The following MICALL1 variants were observed in gnomAD, a reference collection of about 807,000 sequenced individuals.
MICALL1 encodes MICAL-like protein 1.
In MICALL1, 61 loss-of-function variants were observed where a neutral mutation model predicts 83.7. The observed-to-expected ratio is 0.73, with a 90% CI of 0.59 to 0.90. The LOEUF (loss-of-function observed/expected upper bound fraction) is 0.90, where lower values mean the gene tolerates loss of function less well. MICALL1 is among the 40% of genes least tolerant of loss of function. The pLI is 0.00. For missense variants in MICALL1, 1,066 were observed against 1,152.0 expected (o/e 0.93, Z 1.08); for synonymous variants, 481 against 473.6 (o/e 1.02, Z -0.20).
Position 37,911,927 on chromosome 22 carries a change from A to G in MICALL1, c.147-25A>G, listed in dbSNP as rs751880032. The G allele has an allele frequency of 3.7e-6, 6 of 1,613,548 alleles. No homozygotes were observed. In the Admixed American group the frequency reaches 5.0e-5, roughly 13 times the overall value. ...TCCCAGTCACCTCCCCTCTTGACCAACCCTCCTCCCTTTGCCTCTTGCAGA... is the reference window on the plus strand; with the variant it reads ...TCCCAGTCACCTCCCCTCTTGACCAGCCCTCCTCCCTTTGCCTCTTGCAGA... On this transcript the variant is annotated intron_variant, in intron 1 of 15. Transcript: ENST00000215957.
chr22:37,928,148 C>CGCCT (rs1180055875), intron 9 of MICALL1, among the ~76,000 whole-genome samples: 4 of 151,874 alleles, frequency 2.6e-5, no homozygotes, highest in Non-Finnish European at 5.9e-5. Flanking sequence ...CCTCGTGATC[C>CGCCT]GCCTGCCTCA....
chr22:37,925,545 G>C (rs1929364945), intron 7 of MICALL1, 116 bp from the exon 8 acceptor site: 1 of 680,784 alleles, frequency 1.5e-6, no homozygotes. Flanking sequence ...GGTGGGAGAA[G>C]GGAAACAGCC....
At chr22:37,910,736 G>A (rs550980336) in intron 1 of MICALL1, among the ~76,000 whole-genome samples, 1 of 152,340 alleles carries the variant, frequency 6.6e-6, no homozygotes, top group South Asian at 2.1e-4. Context: ...AAAAGTGTTG[G>A]GGGCAGGAGG....
At position 37,924,129 on chromosome 22, in the gene MICALL1, A is replaced by G. The variant is rs1601820859; in HGVS notation, c.1025-531A>G. Among the ~76,000 whole-genome samples, 1 of 152,106 alleles carries G rather than the reference A, an allele frequency of 6.6e-6. No homozygotes were observed. The highest frequency in any genetic ancestry group is 2.4e-5 in the African/African-American group (1 of 41,412). The stretch of plus-strand genomic sequence containing the variant: ...GTCACCCTGCGACTTGCACCAGAAC[A>G]TTCTATTTGTTCAGCTCTTGTGGAG... On this transcript the variant is annotated intron_variant, in intron 6 of 15. Coordinates refer to ENST00000215957, the MANE Select transcript of MICALL1 (RefSeq NM_033386.4). This position sits in a 1 kb window ranked among gnomAD's most constrained non-coding sequence, Gnocchi z 5.2.
In MICALL1 at chr22:37,933,116, A is replaced by AGT; in HGVS notation, c.2308+6_2308+7dup. The AGT allele has an allele frequency of 6.2e-7, 1 of 1,613,466 alleles. No individual in the cohort carries two copies. Among genetic ancestry groups the AGT allele is most frequent in the Non-Finnish European group, 8.5e-7 (1 of 1,179,882 alleles). On this transcript the variant is annotated splice_donor_region_variant and intron_variant, in intron 13 of 15. Coordinates refer to ENST00000215957, the MANE Select transcript of MICALL1 (RefSeq NM_033386.4). ...CGGTGCCTCCTCAATAAGCCAGGTG[A>AGT]GTGCAGCCACTGGCACTCCCCTGGC...
chr22:37,934,278 G>A (rs559758584), intron 13 of MICALL1, among the ~76,000 whole-genome samples: 199 of 152,322 alleles, frequency 1.3e-3, no homozygotes, highest in African/African-American at 4.6e-3. Flanking sequence ...GCCATTGCTT[G>A]GGGGCATCAG....
intron 5 of MICALL1, among the ~76,000 whole-genome samples, chr22:37,920,920 C>T (rs952619770): frequency 4.0e-5 from 6 of 150,602 alleles, no homozygotes; most frequent in Non-Finnish European, 7.4e-5. Flanking sequence ...ACTGAGACTC[C>T]GTCTCAAAAA....
Position 37,906,730 on chromosome 22 carries a change from A to C in MICALL1, c.146+162A>C. Among the ~76,000 whole-genome samples the C allele has an allele frequency of 6.7e-6, 1 of 149,582 alleles. No homozygotes were observed. Among genetic ancestry groups the C allele is most frequent in the African/African-American group, 2.5e-5 (1 of 40,406 alleles). ...CCCGGACGCCGGGCGGGTCCCTGAG[A>C]CCCCGGCCCAGGGCGCCCCTCCCCC... On this transcript the variant is annotated intron_variant, in intron 1 of 15. Coordinates refer to ENST00000215957, the MANE Select transcript of MICALL1 (RefSeq NM_033386.4). This position sits in a 1 kb window ranked among gnomAD's most constrained non-coding sequence, Gnocchi z 4.4.
At chr22:37,934,807 A>G (rs865955662) in intron 13 of MICALL1, among the ~76,000 whole-genome samples, 13 of 151,368 alleles carry the variant, frequency 8.6e-5, no homozygotes, top group Non-Finnish European at 1.2e-4. Flanking sequence ...CATGTTAGCC[A>G]GGATGGTCTC....
In MICALL1 at chr22:37,932,611, A is replaced by G. The variant is rs200404671; in HGVS notation, c.2075A>G (p.Glu692Gly). Residue 692 changes from glutamate to glycine, a missense_variant, in exon 11 of 16, where the codon GAG (glutamate) becomes GGG (glycine). Glu to Gly is a moderately conservative substitution (Grantham distance 98). Coordinates refer to ENST00000215957, the MANE Select transcript of MICALL1 (RefSeq NM_033386.4). This position sits in a 1 kb window ranked among gnomAD's most constrained non-coding sequence, Gnocchi z 4.4. Reference sequence around the variant, plus strand: ...ATCCATGGAGAGATGGATACCATTGAGCGCCGGCTGGATGCCCTGGAGCAC... The same window carrying G: ...ATCCATGGAGAGATGGATACCATTGGGCGCCGGCTGGATGCCCTGGAGCAC... ...EDIHGEMDTI[E>G]RRLDALEHRG... 5.6e-6 allele frequency: 9 copies of G among 1,614,132 alleles called. No homozygotes were observed. The Admixed American group carries it at 1.0e-4, about 18-fold the overall frequency.
At chr22:37,914,036 C>T (rs977620858) in intron 3 of MICALL1, among the ~76,000 whole-genome samples, 10 of 151,608 alleles carry the variant, frequency 6.6e-5, no homozygotes, top group Non-Finnish European at 1.0e-4. Context: ...CCAACATGTC[C>T]GGCTAATTTT....
intron 3 of MICALL1, among the ~76,000 whole-genome samples, chr22:37,917,017 G>A (rs1005982047): frequency 4.6e-5 from 7 of 152,070 alleles, no homozygotes; most frequent in African/African-American, 1.7e-4. Flanking sequence ...GATTATAGGC[G>A]CGCACCACCA....
chr22:37,919,363 G>C (rs902327304), intron 5 of MICALL1, among the ~76,000 whole-genome samples, 185 bp downstream of exon 5: 17 of 152,340 alleles, frequency 1.1e-4, no homozygotes, highest in African/African-American at 4.1e-4. Context: ...CACATGATTC[G>C]AGACAGAAAC....
rs530285254 is a variant in MICALL1, at chr22:37,932,153, G to A, written c.2016+220G>A. ...TTCACCACCAAAAGCAGTGGGTGGTGCATTTAATTTGTTACTAACAAGTTC... is the reference window on the plus strand; with the variant it reads ...TTCACCACCAAAAGCAGTGGGTGGTACATTTAATTTGTTACTAACAAGTTC... On this transcript the variant is annotated intron_variant, in intron 10 of 15. Transcript: ENST00000215957. The surrounding 1 kb of genome is among the most constrained non-coding windows in gnomAD (Gnocchi z 4.4). Among the ~76,000 whole-genome samples, 5 of 152,366 alleles carry A rather than the reference G, an allele frequency of 3.3e-5. No homozygotes were observed. In the South Asian group the frequency reaches 1.0e-3, roughly 32 times the overall value.
chr22:37,930,091 C>T lies in MICALL1; in HGVS notation c.1882-1708C>T, dbSNP rs1929707558. ...GGTGGTGGAGGGCACGGGGGTGGGTCACCTTCGGATTCTCGTGTTTCGTGT... is the reference window on the plus strand; with the variant it reads ...GGTGGTGGAGGGCACGGGGGTGGGTTACCTTCGGATTCTCGTGTTTCGTGT... On this transcript the variant is annotated intron_variant, in intron 9 of 15. Coordinates refer to ENST00000215957, the MANE Select transcript of MICALL1 (RefSeq NM_033386.4). The surrounding 1 kb of genome is among the most constrained non-coding windows in gnomAD (Gnocchi z 4.8). Among the ~76,000 whole-genome samples the T allele has an allele frequency of 1.3e-5, 2 of 152,236 alleles. No individual in the cohort carries two copies. Among genetic ancestry groups the T allele is most frequent in the South Asian group, 4.1e-4 (2 of 4,838 alleles).
chr22:37,925,957 T>C lies in MICALL1; in HGVS notation c.1379T>C (p.Leu460Pro). Reference protein sequence around the residue: ...LGHPESTPKSLHPWYGITPTS... With the variant: ...LGHPESTPKSPHPWYGITPTS... The stretch of plus-strand genomic sequence containing the variant: ...CACCCGGAGTCCACACCCAAGTCCC[T>C]GCACCCCTGGTACGGCATCACCCCT... The change falls in exon 8 of 16, where the codon CTG becomes CCG. Residue 460 changes from leucine to proline, a missense_variant. Transcript: ENST00000215957. The C allele has an allele frequency of 6.2e-7, 1 of 1,613,852 alleles. No individual in the cohort carries two copies. Among genetic ancestry groups the C allele is most frequent in the Non-Finnish European group, 8.5e-7 (1 of 1,179,932 alleles).
At position 37,922,062 on chromosome 22, in the gene MICALL1, G is replaced by A. The variant is rs1242584242; in HGVS notation, c.660G>A (p.Arg220=). The A allele has an allele frequency of 6.2e-7, 1 of 1,613,454 alleles. No homozygotes were observed. ...GTFVCAEHCA[R]LGPGTRSGTR... ...TTGTGTGTGCAGAACACTGTGCCAG[G>A]CTGGGCCCGGGGACACGGTCGGGGA... The change falls in exon 6 of 16, where the codon AGG becomes AGA. Residue 220 remains arginine (R), a synonymous_variant. Transcript: ENST00000215957.
At chr22:37,929,916 A>G (rs1291398299) in intron 9 of MICALL1, among the ~76,000 whole-genome samples, 1 of 152,194 alleles carries the variant, frequency 6.6e-6, no homozygotes, top group African/African-American at 2.4e-5. Flanking sequence ...TCCCGGCAAG[A>G]GCCTCTTGGG....
Position 37,924,538 on chromosome 22 carries a change from A to T in MICALL1, c.1025-122A>T. 1 of 872,538 alleles carries T rather than the reference A, an allele frequency of 1.1e-6. No individual in the cohort carries two copies. Among genetic ancestry groups the T allele is most frequent in the Non-Finnish European group, 1.8e-6 (1 of 556,240 alleles). The allele number at this position is 872,538 out of a possible 1,614,324, so 54.0% of individuals were successfully genotyped here. ...CTAATCTCCATGGGCTGGCCTGGGGAGGTGCGAGGGTGCCAGGAGGAAGGC... is the reference window on the plus strand; with the variant it reads ...CTAATCTCCATGGGCTGGCCTGGGGTGGTGCGAGGGTGCCAGGAGGAAGGC... On this transcript the variant is annotated intron_variant, in intron 6 of 15. Transcript: ENST00000215957. This position sits in a 1 kb window ranked among gnomAD's most constrained non-coding sequence, Gnocchi z 5.2.
Sources: gnomAD v4.1 joint callset for allele counts (sites outside exome capture counted in the v4.1 genomes callset) on GRCh38, gnomAD v4.1.1 for gene constraint, Gnocchi (gnomAD v3.1) non-coding constraint, MANE v1.5 for transcripts, NCBI Gene and HGNC (gene_info 2026-07-23, HGNC 2026-07-21) for gene names.